MAPKBP1: variants seen among roughly 807,000 people sequenced by gnomAD.
MAPKBP1 encodes mitogen-activated protein kinase binding protein 1.
In MAPKBP1, 71 loss-of-function variants were observed where a neutral mutation model predicts 170.5. That is an observed-to-expected ratio of 0.42 (90% CI 0.34 to 0.51). The LOEUF (loss-of-function observed/expected upper bound fraction) is 0.51, where lower values mean the gene tolerates loss of function less well. Among genes scored for constraint, MAPKBP1 ranks in the 20% least tolerant of loss-of-function variants. The probability of loss-of-function intolerance (pLI) is 0.06; values close to 1 mark genes in which losing one functional copy is unlikely to be tolerated. For synonymous variants in MAPKBP1, 719 were observed against 757.9 expected (o/e 0.95, Z 0.84); for missense variants, 1,598 against 1,933.0 (o/e 0.83, Z 3.25).
chr15:41,789,231 A>C (rs1323406054), intron 2 of MAPKBP1, among the ~76,000 whole-genome samples: 1 of 152,172 alleles, frequency 6.6e-6, no homozygotes, highest in African/African-American at 2.4e-5. Flanking sequence ...TTTTTAGCTC[A>C]TAAAGCTTTG....
chr15:41,799,967 T>G (rs538750529), intron 3 of MAPKBP1, 53 bp downstream of exon 3: 1 of 1,472,734 alleles, frequency 6.8e-7, no homozygotes, highest in African/African-American at 1.4e-5. Flanking sequence ...ATAGCCACGC[T>G]AGAGCAGTTG....
chr15:41,792,907 G>A (rs2064419231), intron 2 of MAPKBP1, among the ~76,000 whole-genome samples: 1 of 152,070 alleles, frequency 6.6e-6, no homozygotes, highest in Admixed American at 6.6e-5. Flanking sequence ...TATTTAGAGG[G>A]GTGGGTCATT....
At chr15:41,794,508 T>C (rs1233314342) in intron 2 of MAPKBP1, among the ~76,000 whole-genome samples, 1 of 152,136 alleles carries the variant, frequency 6.6e-6, no homozygotes, top group East Asian at 1.9e-4. Context: ...AGAAACAAAA[T>C]GTTACCTGTA....
chr15:41,800,019 C>A, intron 3 of MAPKBP1, 105 bp downstream of exon 3: 1 of 930,768 alleles, frequency 1.1e-6, no homozygotes, highest in Non-Finnish European at 1.7e-6. Flanking sequence ...AAGATAGATA[C>A]AGGTTAATGT....
At chr15:41,775,555 A>G (rs143298817) in intron 2 of MAPKBP1, among the ~76,000 whole-genome samples, 166 bp downstream of exon 2, 176 of 152,340 alleles carry the variant, frequency 1.2e-3, no homozygotes, top group Non-Finnish European at 2.2e-3. Flanking sequence ...TGAAGGAAAA[A>G]GAGCAGCAGG....
intron 22 of MAPKBP1, among the ~76,000 whole-genome samples, chr15:41,820,222 A>G (rs1164814965): frequency 2.0e-5 from 3 of 152,166 alleles, no homozygotes; most frequent in African/African-American, 7.2e-5. Flanking sequence ...GTTGTCAGCA[A>G]CAGTTTCACA....
chr15:41,818,094 C>T lies in MAPKBP1; in HGVS notation c.1980+10C>T. ...CGGCACACTCATTAAGGTAAGGACC[C>T]AGAGGGGGTACTGGACAGGGGCTCG... On this transcript the variant is annotated intron_variant, in intron 17 of 30. Transcript: ENST00000457542. The surrounding 1 kb of genome is among the most constrained non-coding windows in gnomAD (Gnocchi z 5.2). 3 of 1,613,984 alleles carry T rather than the reference C, an allele frequency of 1.9e-6. No individual in the cohort carries two copies. The highest frequency in any genetic ancestry group is 2.5e-6 in the Non-Finnish European group (3 of 1,179,886).
Position 41,814,871 on chromosome 15 carries a change from G to T in MAPKBP1, c.1170+132G>T, listed in dbSNP as rs78786818. 59,189 of 1,166,784 alleles carry T rather than the reference G, an allele frequency of 0.051. 1,818 individuals are homozygous for T. The highest frequency in any genetic ancestry group is 0.061 in the Non-Finnish European group (49,265 of 811,952). 72.3% of individuals were successfully genotyped at this position (1,166,784 alleles called of 1,614,324 possible). ...CCCTGTTTCTCCAGTGACTTCCCTG[G>T]GATAGATCCTGGGGACTGAGTTTGA... is the stretch of plus-strand genomic sequence containing the variant. On this transcript the variant is annotated intron_variant, in intron 10 of 30. Coordinates refer to ENST00000457542, the MANE Select transcript of MAPKBP1 (RefSeq NM_014994.3).
intron 23 of MAPKBP1, 94 bp downstream of exon 23, chr15:41,821,162 C>A: frequency 8.5e-7 from 1 of 1,177,940 alleles, no homozygotes; most frequent in Non-Finnish European, 1.3e-6. Flanking sequence ...TCCAGCTATG[C>A]TTGCTCTGCC....
At chr15:41,814,062 T>C (rs1312182543) in intron 9 of MAPKBP1, among the ~76,000 whole-genome samples, 1 of 152,122 alleles carries the variant, frequency 6.6e-6, no homozygotes, top group Non-Finnish European at 1.5e-5. Context: ...GGGATTGAAG[T>C]ATTCTGGTTG....
rs769278062 is a variant in MAPKBP1, at chr15:41,818,923, C to T, written c.2257C>T (p.Pro753Ser). The change falls in exon 20 of 31, where the codon CCA (proline) becomes TCA (serine). Residue 753 changes from proline (P) to serine (S), a missense_variant. By Grantham distance (74) the Pro-to-Ser change is moderately conservative. Coordinates refer to ENST00000457542, the MANE Select transcript of MAPKBP1 (RefSeq NM_014994.3). The surrounding 1 kb of genome is among the most constrained non-coding windows in gnomAD (Gnocchi z 5.2). ...TCAGCGGGGCGGCAAGCAGCAAGGACCATCCTCTCCCCAAAGGGCTTCTGG... is the reference window on the plus strand; with the variant it reads ...TCAGCGGGGCGGCAAGCAGCAAGGATCATCCTCTCCCCAAAGGGCTTCTGG... Reference protein sequence around the residue: ...QRQRGGKQQGPSSPQRASGPN... With the variant: ...QRQRGGKQQGSSSPQRASGPN... 6.2e-7 allele frequency: 1 copy of T among 1,614,076 alleles called. No individual in the cohort carries two copies. The highest frequency in any genetic ancestry group is 8.5e-7 in the Non-Finnish European group (1 of 1,180,046).
rs764534122 is a variant in MAPKBP1, at chr15:41,814,643, C to T, written c.1074C>T (p.Asn358=). ...ATCAGTGGCTGTCTTGTGTGTACAA[C>T]GATCATAGCATTTATGTTTGGGATG... is the stretch of plus-strand genomic sequence containing the variant. ...PTNQWLSCVY[N]DHSIYVWDVR... Residue 358 remains asparagine (N), a synonymous_variant, in exon 10 of 31, where the codon AAC becomes AAT. Transcript: ENST00000457542. 22 of 1,614,028 alleles carry T rather than the reference C, an allele frequency of 1.4e-5. No individual in the cohort carries two copies. Among genetic ancestry groups the T allele is most frequent in the Non-Finnish European group, 1.8e-5 (21 of 1,180,034 alleles).
At chr15:41,819,166 C>A (rs2064943598) in intron 20 of MAPKBP1, 80 bp from the exon 21 acceptor site, 1 of 1,551,034 alleles carries the variant, frequency 6.4e-7, no homozygotes, top group Non-Finnish European at 8.8e-7. Flanking sequence ...ATTGAGTCTC[C>A]TCTTCCTTCT....
At position 41,823,479 on chromosome 15, in the gene MAPKBP1, C is replaced by T. The variant is rs2065036154; in HGVS notation, c.3631C>T (p.Pro1211Ser). The T allele has an allele frequency of 6.2e-7, 1 of 1,613,794 alleles. No homozygotes were observed. The highest frequency in any genetic ancestry group is 1.7e-5 in the Admixed American group (1 of 59,998). Residue 1211 changes from proline (P) to serine (S), a missense_variant, in exon 29 of 31, where the codon CCA becomes TCA. Physicochemically the swap from Pro to Ser is moderately conservative, Grantham distance 74. Transcript: ENST00000457542. ...TGAGGCCAGTCTGCAGGCCCCTTCA[C>T]CAGGCGCACTGCTGTCTCGGGAGAT... ...RHEASLQAPS[P>S]GALLSREIEA...
Position 41,826,520 on chromosome 15 carries a change from A to G in MAPKBP1, c.*1084A>G, listed in dbSNP as rs932559151. ...GCTTCACCACCCTGGCTTATGTGGA[A>G]CACCTATCAGGGAGCAGAAAAGGGG... On this transcript the variant is annotated 3_prime_UTR_variant, in exon 31 of 31. Transcript: ENST00000457542. 6 of 152,090 alleles carry G rather than the reference A, an allele frequency of 3.9e-5. No homozygotes were observed. Among genetic ancestry groups the G allele is most frequent in the Non-Finnish European group, 8.8e-5 (6 of 68,040 alleles). 9.4% of individuals were successfully genotyped at this position (152,090 alleles called of 1,614,324 possible).
intron 27 of MAPKBP1, 28 bp from the exon 28 acceptor site, chr15:41,822,911 G>T: frequency 6.3e-7 from 1 of 1,580,158 alleles, no homozygotes; most frequent in Admixed American, 1.7e-5. Flanking sequence ...GCCTTCTCTG[G>T]GCCTTCTCCC....
rs559707433 is a variant in MAPKBP1, at chr15:41,826,569, A to T, written c.*1133A>T. The stretch of plus-strand genomic sequence containing the variant: ...GGTGCAGTACACTAAGTGAACCCAG[A>T]TTCTGGATTCTTGGTGTCCACAGCC... On this transcript the variant is annotated 3_prime_UTR_variant, in exon 31 of 31. Coordinates refer to ENST00000457542, the MANE Select transcript of MAPKBP1 (RefSeq NM_014994.3). The T allele has an allele frequency of 1.3e-5, 2 of 151,984 alleles. No individual in the cohort carries two copies. Among genetic ancestry groups the T allele is most frequent in the East Asian group, 3.9e-4 (2 of 5,148 alleles). 9.4% of individuals were successfully genotyped at this position (151,984 alleles called of 1,614,324 possible).
At chr15:41,786,642 G>A (rs944172317) in intron 2 of MAPKBP1, among the ~76,000 whole-genome samples, 3 of 149,716 alleles carry the variant, frequency 2.0e-5, no homozygotes, top group Admixed American at 6.6e-5. Context: ...GCGGGTGCCC[G>A]TAGTCCCAGC....
intron 5 of MAPKBP1, chr15:41,811,488 A>G (rs1161297543): frequency 2.9e-6 from 2 of 688,048 alleles, no homozygotes; most frequent in Admixed American, 4.0e-5. Flanking sequence ...GGGAGTCTGA[A>G]ATGTGCATTT....
Sources: allele counts gnomAD v4.1 joint callset (sites outside exome capture counted in the v4.1 genomes callset), GRCh38; gene constraint gnomAD v4.1.1; non-coding constraint Gnocchi (gnomAD v3.1); transcripts MANE v1.5; gene names NCBI Gene and HGNC (gene_info 2026-07-23, HGNC 2026-07-21).